The following GHR variants were observed in gnomAD, a reference collection of about 807,000 sequenced individuals.
GHR encodes the protein GH receptor.
A neutral mutation model predicts 67.1 loss-of-function variants in GHR; 35 were observed. That is an observed-to-expected ratio of 0.52 (90% CI 0.40 to 0.69). GHR has a LOEUF of 0.69. GHR is among the 30% of genes least tolerant of loss of function. The probability of loss-of-function intolerance (pLI) is 0.00; values close to 1 mark genes in which losing one functional copy is unlikely to be tolerated. For missense variants in GHR, 792 were observed against 764.6 expected, an observed-to-expected ratio of 1.04 and a Z score of -0.42; for synonymous variants, 272 against 269.1, an observed-to-expected ratio of 1.01 and a Z score of -0.10.
intron 3 of GHR, among the ~76,000 whole-genome samples, chr5:42,634,094 G>GT (rs1754052759): frequency 6.6e-6 from 1 of 151,722 alleles, no homozygotes. Flanking sequence ...CTTACTTCCT[G>GT]TATGATCTTC....
intron 1 of GHR, among the ~76,000 whole-genome samples, chr5:42,513,117 A>G (rs1220454429): frequency 6.6e-6 from 1 of 152,226 alleles, no homozygotes; most frequent in East Asian, 1.9e-4. Flanking sequence ...ATAGCAAGCT[A>G]CTTCACATTT....
intron 1 of GHR, among the ~76,000 whole-genome samples, chr5:42,485,616 T>C (rs1482602646): frequency 6.6e-6 from 1 of 152,220 alleles, no homozygotes. Context: ...TCTAGTCTTC[T>C]TAAGAAAAAC....
intron 6 of GHR, 55 bp downstream of exon 6, chr5:42,700,057 T>G: frequency 9.4e-7 from 1 of 1,060,818 alleles, no homozygotes; most frequent in African/African-American, 1.6e-5. Context: ...CAACAAACTC[T>G]CTCTCATTTA....
intron 2 of GHR, among the ~76,000 whole-genome samples, chr5:42,602,709 T>A (rs1752440075): frequency 6.6e-6 from 1 of 152,212 alleles, no homozygotes; most frequent in African/African-American, 2.4e-5. Flanking sequence ...ATAAAATATT[T>A]TAGAGTTGTA....
At chr5:42,654,062 C>T (rs1198926540) in intron 3 of GHR, among the ~76,000 whole-genome samples, 1 of 151,948 alleles carries the variant, frequency 6.6e-6, no homozygotes, top group East Asian at 1.9e-4. Flanking sequence ...TTTATTTTTT[C>T]CCTCATCTGT....
intron 1 of GHR, among the ~76,000 whole-genome samples, chr5:42,427,766 G>T (rs1164745722): frequency 6.6e-6 from 1 of 152,200 alleles, no homozygotes; most frequent in Non-Finnish European, 1.5e-5. Flanking sequence ...TACAATGGAG[G>T]TACAGGCATT....
intron 3 of GHR, chr5:42,646,490 A>T: frequency 3.1e-6 from 1 of 321,176 alleles, no homozygotes; most frequent in Non-Finnish European, 6.1e-6. Flanking sequence ...CAAAAGGCAG[A>T]TCTAAAATAC....
intron 3 of GHR, among the ~76,000 whole-genome samples, chr5:42,633,465 AC>A (rs1754024891): frequency 6.6e-6 from 1 of 152,170 alleles, no homozygotes; most frequent in African/African-American, 2.4e-5. Context: ...TTCAATAAAA[AC>A]TTTTGCAGGA....
intron 1 of GHR, among the ~76,000 whole-genome samples, chr5:42,429,406 A>T (rs894651761): frequency 4.6e-5 from 7 of 152,212 alleles, no homozygotes; most frequent in Non-Finnish European, 1.0e-4. Context: ...CAGCAAAACC[A>T]TATTACTGAC....
chr5:42,712,894 A>G (rs1359123173), intron 7 of GHR, among the ~76,000 whole-genome samples: 2 of 151,088 alleles, frequency 1.3e-5, no homozygotes, highest in Admixed American at 6.6e-5. Context: ...ATTGATATAA[A>G]TACGTATATT....
chr5:42,465,744 G>A (rs550803948), intron 1 of GHR: 29 of 912,856 alleles, frequency 3.2e-5, no homozygotes, highest in South Asian at 1.7e-4. Flanking sequence ...TCAAATTCAC[G>A]TTTGCCACGA....
At chr5:42,549,128 C>G (rs965790323) in intron 1 of GHR, among the ~76,000 whole-genome samples, 3 of 152,198 alleles carry the variant, frequency 2.0e-5, no homozygotes, top group African/African-American at 7.2e-5. Context: ...CCTTCTGCTT[C>G]TTGCTATACC....
intron 1 of GHR, among the ~76,000 whole-genome samples, chr5:42,539,860 G>C (rs1487693729): frequency 6.6e-6 from 1 of 151,980 alleles, no homozygotes; most frequent in South Asian, 2.1e-4. Flanking sequence ...TTTTTATCTT[G>C]TACTGAATAA....
At chr5:42,480,478 A>T (rs1436509226) in intron 1 of GHR, among the ~76,000 whole-genome samples, 1 of 152,118 alleles carries the variant, frequency 6.6e-6, no homozygotes, top group Non-Finnish European at 1.5e-5. Flanking sequence ...TCTAATGTTG[A>T]CATTGGGGTG....
intron 1 of GHR, among the ~76,000 whole-genome samples, chr5:42,466,296 A>C (rs1339769283): frequency 6.6e-6 from 1 of 152,236 alleles, no homozygotes. Context: ...GGGTATAGAC[A>C]GTAAGGAAAA....
intron 1 of GHR, among the ~76,000 whole-genome samples, chr5:42,454,478 A>C (rs1436304450): frequency 2.0e-5 from 3 of 152,264 alleles, no homozygotes; most frequent in South Asian, 4.1e-4. Flanking sequence ...AATACCATCA[A>C]GTGGGGGCAG....
At chr5:42,553,586 G>A (rs181474087) in intron 1 of GHR, among the ~76,000 whole-genome samples, 2 of 152,222 alleles carry the variant, frequency 1.3e-5, no homozygotes, top group African/African-American at 2.4e-5. Flanking sequence ...TGATTACATC[G>A]GTTTGTGCAG....
At chr5:42,689,647 T>C (rs1757329541) in intron 4 of GHR, among the ~76,000 whole-genome samples, 1 of 151,910 alleles carries the variant, frequency 6.6e-6, no homozygotes, top group Non-Finnish European at 1.5e-5. Flanking sequence ...ATTTGAGGGA[T>C]GAAAAAGGCC....
At chr5:42,429,529 C>T (rs112652887) in intron 1 of GHR, among the ~76,000 whole-genome samples, 37 of 152,302 alleles carry the variant, frequency 2.4e-4, no homozygotes, top group African/African-American at 8.4e-4. Flanking sequence ...CATTTCATTA[C>T]GCTCTTGATT....
Sources: gnomAD v4.1 joint callset for allele counts (sites outside exome capture counted in the v4.1 genomes callset) on GRCh38, gnomAD v4.1.1 for gene constraint, MANE v1.5 for transcripts, NCBI Gene and HGNC (gene_info 2026-07-23, HGNC 2026-07-21) for gene names.